ABCC12: variants seen among roughly 807,000 people sequenced by gnomAD.
ABCC12 encodes the protein ATP binding cassette subfamily C member 12.
A neutral mutation model predicts 151.1 loss-of-function variants in ABCC12; 142 were observed. That is an observed-to-expected ratio of 0.94 (90% CI 0.82 to 1.08). The LOEUF (loss-of-function observed/expected upper bound fraction) is 1.08. ABCC12 is among the 50% of genes least tolerant of loss of function. ABCC12 has a pLI of 0.00. For missense variants in ABCC12, 1,638 were observed against 1,691.1 expected (o/e 0.97, Z 0.55); for synonymous variants, 645 against 646.4 (o/e 1.00, Z 0.03).
chr16:48,100,414 C>T (rs1163296526), intron 23 of ABCC12, among the ~76,000 whole-genome samples: 1 of 151,844 alleles, frequency 6.6e-6, no homozygotes, highest in East Asian at 1.9e-4. Flanking sequence ...CGTGTAATAA[C>T]ATGAAACAGG....
At chr16:48,149,424 A>G in intron 2 of ABCC12, among the ~76,000 whole-genome samples, 1 of 152,204 alleles carries the variant, frequency 6.6e-6, no homozygotes, top group East Asian at 1.9e-4. Flanking sequence ...CAGACTGAAT[A>G]TAAAAAGAAG....
chr16:48,143,727 G>A (rs1964900220), intron 4 of ABCC12, among the ~76,000 whole-genome samples, 183 bp downstream of exon 4: 1 of 152,196 alleles, frequency 6.6e-6, no homozygotes. Flanking sequence ...TGTCTTGCCT[G>A]CCACCATGTA....
intron 26 of ABCC12, 80 bp from the exon 27 acceptor site, chr16:48,088,165 T>C (rs1962706861): frequency 6.8e-7 from 1 of 1,473,670 alleles, no homozygotes; most frequent in East Asian, 2.4e-5. Flanking sequence ...ATCAGTGGGA[T>C]TTTTAATGCA....
Position 48,082,744 on chromosome 16 carries a change from G to C in ABCC12, c.*971C>G, listed in dbSNP as rs1283523919. 6.6e-6 allele frequency among the ~76,000 whole-genome samples: 1 copy of C among 152,214 alleles called. No homozygotes were observed. The highest frequency in any genetic ancestry group is 2.4e-5 in the African/African-American group (1 of 41,450). On this transcript the variant is annotated 3_prime_UTR_variant, in exon 31 of 31. Transcript: ENST00000311303. ...CATGGGGCCTTCATTCCTGATGAAT[G>C]AAAAACAGCCAGAACTCCCAGCGTG...
At chr16:48,136,862 A>C (rs569760632) in intron 8 of ABCC12, among the ~76,000 whole-genome samples, 1 of 152,342 alleles carries the variant, frequency 6.6e-6, no homozygotes, top group South Asian at 2.1e-4. Flanking sequence ...GCTAGAGCTG[A>C]GTTTCCTAAG....
Position 48,146,374 on chromosome 16 carries a change from C to T in ABCC12, c.51G>A (p.Arg17=). The T allele has an allele frequency of 5.0e-6, 8 of 1,614,196 alleles. No individual in the cohort carries two copies. The highest frequency in any genetic ancestry group is 6.8e-6 in the Non-Finnish European group (8 of 1,180,038). ...YLISDLDQRG[R]RRSFAERYDP... is the part of the protein sequence containing the mutation. Reference sequence around the variant, plus strand: ...CATATCTTTCTGCAAAGGATCTCCGCCGGCCTCGCTGGTCCAGATCTGAGA... The same window carrying T: ...CATATCTTTCTGCAAAGGATCTCCGTCGGCCTCGCTGGTCCAGATCTGAGA... The change falls in exon 3 of 31, where the codon CGG becomes CGA. Residue 17 remains arginine, a synonymous_variant. Transcript: ENST00000311303.
At chr16:48,119,683 T>C (rs1233690597) in intron 13 of ABCC12, among the ~76,000 whole-genome samples, 1 of 151,954 alleles carries the variant, frequency 6.6e-6, no homozygotes, top group African/African-American at 2.4e-5. Context: ...AGGGACAGAG[T>C]TGGTGGGTAA....
chr16:48,124,792 A>T (rs934470922), intron 11 of ABCC12, among the ~76,000 whole-genome samples: 1 of 152,216 alleles, frequency 6.6e-6, no homozygotes, highest in Non-Finnish European at 1.5e-5. Context: ...CCAACAAATC[A>T]TTATCAGAGC....
Position 48,088,057 on chromosome 16 carries a change from A to C in ABCC12, c.3504T>G (p.Phe1168Leu). The change falls in exon 27 of 31, where the codon TTT (phenylalanine) becomes TTG (leucine). Residue 1168 changes from phenylalanine to leucine, a missense_variant. Physicochemically the swap from Phe to Leu is conservative, Grantham distance 22. Transcript: ENST00000311303. ...TGCCACTGGCTGGCTCCACCAGACGAAACAAAGCCATTCCTAACGATGACT... is the reference window on the plus strand; with the variant it reads ...TGCCACTGGCTGGCTCCACCAGACGCAACAAAGCCATTCCTAACGATGACT... ...SGKSSLGMAL[F>L]RLVEPASGTI... 6.2e-7 allele frequency: 1 copy of C among 1,614,168 alleles called. No homozygotes were observed. Among genetic ancestry groups the C allele is most frequent in the Non-Finnish European group, 8.5e-7 (1 of 1,180,004 alleles).
chr16:48,088,229 G>C (rs1425925590), intron 26 of ABCC12, 144 bp from the exon 27 acceptor site: 1 of 1,040,456 alleles, frequency 9.6e-7, no homozygotes, highest in Non-Finnish European at 1.4e-6. Context: ...CCTCACCAGG[G>C]TGGGGGTGGA....
chr16:48,104,109 T>C (rs750436412), intron 22 of ABCC12, 33 bp downstream of exon 22: 2 of 1,596,322 alleles, frequency 1.3e-6, no homozygotes, highest in Admixed American at 3.4e-5. Flanking sequence ...TGTGTGTGTA[T>C]CGTTTTCTCG....
intron 4 of ABCC12, 114 bp from the exon 5 acceptor site, chr16:48,141,467 G>A: frequency 1.4e-6 from 2 of 1,393,858 alleles, no homozygotes; most frequent in Non-Finnish European, 2.0e-6. Context: ...CTCCCTGGCA[G>A]TGGTGCCTTC....
chr16:48,138,107 G>T, intron 8 of ABCC12, 121 bp downstream of exon 8: 1 of 1,073,916 alleles, frequency 9.3e-7, no homozygotes. Flanking sequence ...GACCTGCAGA[G>T]CAGCTCAGAG....
intron 9 of ABCC12, 84 bp downstream of exon 9, chr16:48,133,603 T>A: frequency 6.6e-7 from 1 of 1,511,752 alleles, no homozygotes; most frequent in Non-Finnish European, 9.0e-7. Context: ...AATGCCAGTA[T>A]TGAGCGACGG....
At chr16:48,092,335 G>C (rs1339578400) in intron 24 of ABCC12, among the ~76,000 whole-genome samples, 1 of 152,216 alleles carries the variant, frequency 6.6e-6, no homozygotes, top group African/African-American at 2.4e-5. Flanking sequence ...ACCGCTGTGG[G>C]CAACTGAGAG....
chr16:48,087,844 G>T, intron 27 of ABCC12, 82 bp downstream of exon 27: 1 of 1,476,064 alleles, frequency 6.8e-7, no homozygotes, highest in Non-Finnish European at 9.3e-7. Context: ...GGCCAGCCAT[G>T]CCCTGGGGAC....
Position 48,121,842 on chromosome 16 carries a change from TG to T in ABCC12, c.1588-3del. On this transcript the variant is annotated splice_region_variant and splice_polypyrimidine_tract_variant and intron_variant, in intron 12 of 30. Coordinates refer to ENST00000311303, the MANE Select transcript of ABCC12 (RefSeq NM_001393797.1). ...CACCACCCCTTTCTGCAGCTGCATCTGGAACAACAAGACGGGAGAAGCTTCA... is the reference window on the plus strand; with the variant it reads ...CACCACCCCTTTCTGCAGCTGCATCTGAACAACAAGACGGGAGAAGCTTCA... The T allele has an allele frequency of 6.2e-7, 1 of 1,614,112 alleles. No homozygotes were observed. Among genetic ancestry groups the T allele is most frequent in the Non-Finnish European group, 8.5e-7 (1 of 1,180,002 alleles).
chr16:48,098,090 GACACACACACACACACAC>G (rs66949388), intron 23 of ABCC12, among the ~76,000 whole-genome samples: 54 of 121,972 alleles, frequency 4.4e-4, no homozygotes, highest in Non-Finnish European at 6.4e-4. Flanking sequence ...TGCCCCACCT[GACACACACACACACACAC>G]ACACACACAC....
chr16:48,122,398 T>A (rs1242430086), intron 12 of ABCC12, among the ~76,000 whole-genome samples: 1 of 152,254 alleles, frequency 6.6e-6, no homozygotes, highest in Non-Finnish European at 1.5e-5. Flanking sequence ...CAGTTTTATA[T>A]GACATCTTTG....
Sources: gnomAD v4.1 joint callset for allele counts (sites outside exome capture counted in the v4.1 genomes callset) on GRCh38, gnomAD v4.1.1 for gene constraint, MANE v1.5 for transcripts, NCBI Gene and HGNC (gene_info 2026-07-23, HGNC 2026-07-21) for gene names.